Variants in MYO1C observed in about 807,000 individuals in gnomAD.
MYO1C encodes the protein unconventional myosin-Ic.
MYO1C carries 104 observed loss-of-function variants against 150.8 expected under a neutral mutation model. The ratio of observed to expected loss-of-function variants is 0.69; its 90% CI spans 0.59 to 0.81. MYO1C has a LOEUF of 0.81. Ranked by LOEUF, MYO1C falls within the 30% of genes least tolerant of loss-of-function variation. The pLI, the probability that MYO1C is intolerant of heterozygous loss-of-function variation, is 0.00. For missense variants in MYO1C, 1,504 were observed against 1,435.0 expected (o/e 1.05, Z -0.78); for synonymous variants, 663 against 579.9 (o/e 1.14, Z -2.06).
chr17:1,479,709 G>T lies in MYO1C; in HGVS notation c.907-4C>A, dbSNP rs776295269. The T allele has an allele frequency of 2.5e-6, 4 of 1,607,424 alleles. No individual in the cohort carries two copies. The highest frequency in any genetic ancestry group is 4.5e-5 in the East Asian group (2 of 44,680). On this transcript the variant is annotated splice_polypyrimidine_tract_variant and splice_region_variant and intron_variant, in intron 7 of 31. Coordinates refer to ENST00000648651, the MANE Select transcript of MYO1C (RefSeq NM_001080779.2). This position sits in a 1 kb window ranked among gnomAD's most constrained non-coding sequence, Gnocchi z 4.2. ...TGGCCACGATGCTCAGCAGGTCCTG[G>T]GGGAGCAGGCCGGGGGCAGGAGGGG...
intron 31 of MYO1C, among the ~76,000 whole-genome samples, chr17:1,466,875 C>T (rs1240117475): frequency 6.6e-6 from 1 of 152,192 alleles, no homozygotes; most frequent in Non-Finnish European, 1.5e-5. Flanking sequence ...GATCCACACA[C>T]CTCGGCCTCC....
chr17:1,469,712 C>T, intron 24 of MYO1C, 98 bp from the exon 25 acceptor site: 1 of 995,956 alleles, frequency 1.0e-6, no homozygotes, highest in Non-Finnish European at 1.5e-6. Context: ...TAAGTAACAC[C>T]CCCTCCATCT....
chr17:1,485,803 G>A, intron 1 of MYO1C: 5 of 766,242 alleles, frequency 6.5e-6, no homozygotes, highest in Non-Finnish European at 8.0e-6. Context: ...GGGAGGGCCC[G>A]CCCCCCGCAC....
chr17:1,469,993 C>T (rs956986348), intron 24 of MYO1C, among the ~76,000 whole-genome samples, 182 bp downstream of exon 24: 1 of 152,108 alleles, frequency 6.6e-6, no homozygotes, highest in Non-Finnish European at 1.5e-5. Flanking sequence ...CGAGATCATG[C>T]CACTCCCTGG....
intron 17 of MYO1C, 199 bp from the exon 18 acceptor site, chr17:1,472,427 G>A: frequency 1.7e-6 from 1 of 594,318 alleles, no homozygotes; most frequent in South Asian, 2.0e-5. Context: ...CTGGGCGAGA[G>A]ACCTCAGTCT....
At chr17:1,487,024 C>T (rs1368381060) in intron 1 of MYO1C, 1 of 152,372 alleles carries the variant, frequency 6.6e-6, no homozygotes, top group East Asian at 1.9e-4. Context: ...GGTTCTTCCT[C>T]GCGGTGGGAC....
intron 7 of MYO1C, 55 bp downstream of exon 7, chr17:1,480,472 A>T: frequency 2.1e-6 from 3 of 1,408,720 alleles, no homozygotes; most frequent in Non-Finnish European, 2.0e-6. Context: ...CAAAAAAAAA[A>T]GGAGATTTTG....
intron 21 of MYO1C, 35 bp from the exon 22 acceptor site, chr17:1,470,724 G>A (rs761410310): frequency 1.3e-5 from 20 of 1,587,382 alleles, no homozygotes; most frequent in African/African-American, 1.2e-4. Context: ...TGGCCAGAGC[G>A]CGGGGAGCCA....
At position 1,482,921 on chromosome 17, in the gene MYO1C, T is replaced by C. The variant is rs2074564549; in HGVS notation, c.486A>G (p.Pro162=). 1 of 1,611,768 alleles carries C rather than the reference T, an allele frequency of 6.2e-7. No homozygotes were observed. The highest frequency in any genetic ancestry group is 8.5e-7 in the Non-Finnish European group (1 of 1,179,844). ...GCACGGCACCTCCGCGCTCGGGGGC[T>C]GGGCAGGTCTCTGCATAGAACTGCA... The part of the protein sequence containing the change: ...RLLQFYAETC[P]APERGGAVRD... Residue 162 remains proline (P), a synonymous_variant, in exon 4 of 32, where the codon CCA becomes CCG. Coordinates refer to ENST00000648651, the MANE Select transcript of MYO1C (RefSeq NM_001080779.2).
At position 1,467,529 on chromosome 17, in the gene MYO1C, T is replaced by C. The variant is rs368941395; in HGVS notation, c.3016A>G (p.Thr1006Ala). The C allele has an allele frequency of 1.1e-5, 17 of 1,613,414 alleles. No homozygotes were observed. In the African/African-American group the frequency reaches 2.3e-4, roughly 22 times the overall value. Residue 1006 changes from threonine to alanine, a missense_variant, in exon 30 of 32, where the codon ACA becomes GCA. By Grantham distance (58) the Thr-to-Ala change is moderately conservative. Coordinates refer to ENST00000648651, the MANE Select transcript of MYO1C (RefSeq NM_001080779.2). The part of the protein sequence containing the change: ...SDHVIETLTK[T>A]ALSANRVNSI... The stretch of plus-strand genomic sequence containing the variant: ...TTCACGCGGTTGGCACTGAGGGCTG[T>C]CTTGGTCAGCGTCTCAATCACGTGG...
In MYO1C at chr17:1,470,205, C is replaced by T. The variant is rs778562822; in HGVS notation, c.2496G>A (p.Ser832=). 5.1e-5 allele frequency: 82 copies of T among 1,611,232 alleles called. No homozygotes were observed. The highest frequency in any genetic ancestry group is 4.7e-4 in the Admixed American group (28 of 59,862). The change falls in exon 24 of 32, where the codon TCG becomes TCA. Residue 832 remains serine (S), a synonymous_variant. Transcript: ENST00000648651. ...GCAGGGCAGGTGGGGGCGTGGGCCA[C>T]GAGGTGTCCAGGACATTCTGGGGCA... is the stretch of plus-strand genomic sequence containing the variant. The part of the protein sequence containing the change: ...RQLPQNVLDT[S]WPTPPPALRE...
intron 1 of MYO1C, chr17:1,487,044 G>C (rs2074669298): frequency 6.6e-6 from 1 of 152,414 alleles, no homozygotes; most frequent in African/African-American, 2.4e-5. Context: ...CTCTGAGCAA[G>C]TCACTTAACG....
intron 27 of MYO1C, 52 bp downstream of exon 27, chr17:1,468,201 C>T (rs1567514136): frequency 2.5e-6 from 4 of 1,611,122 alleles, no homozygotes; most frequent in Non-Finnish European, 3.4e-6. Flanking sequence ...GCCTTCAGCT[C>T]TCAGGCAGTA....
chr17:1,485,587 C>T, intron 1 of MYO1C: 1 of 902,702 alleles, frequency 1.1e-6, no homozygotes, highest in Non-Finnish European at 1.4e-6. Context: ...GTTTTTCCAC[C>T]CGGAATTCCT....
rs2074319682 is a variant in MYO1C, at chr17:1,472,232, G to T, written c.1798-4C>A. 6.2e-7 allele frequency: 1 copy of T among 1,613,978 alleles called. No individual in the cohort carries two copies. On this transcript the variant is annotated splice_polypyrimidine_tract_variant and splice_region_variant and intron_variant, in intron 17 of 31. Coordinates refer to ENST00000648651, the MANE Select transcript of MYO1C (RefSeq NM_001080779.2). ...TCATCTTGAACTGGGTGGCGACCTG[G>T]CGAGCCAAGAGGCATGGGAGGTTGG... is the stretch of plus-strand genomic sequence containing the variant.
In MYO1C at chr17:1,474,942, C is replaced by A. The variant is rs1331776879; in HGVS notation, c.1665G>T (p.Val555=). ...ACACAGCCCCAGGATCCTCACCGGTCACGCTGTAGGTCACCTCCCCCGCAT... is the reference window on the plus strand; with the variant it reads ...ACACAGCCCCAGGATCCTCACCGGTAACGCTGTAGGTCACCTCCCCCGCAT... ...LHYAGEVTYS[V]TGFLDKNNDL... The change falls in exon 15 of 32, where the codon GTG becomes GTT. Residue 555 remains valine, a synonymous_variant. Coordinates refer to ENST00000648651, the MANE Select transcript of MYO1C (RefSeq NM_001080779.2). 2 of 1,597,658 alleles carry A rather than the reference C, an allele frequency of 1.3e-6. No homozygotes were observed. The highest frequency in any genetic ancestry group is 1.8e-5 in the Admixed American group (1 of 57,094).
chr17:1,470,714 T>A, intron 21 of MYO1C, 25 bp from the exon 22 acceptor site: 1 of 1,595,384 alleles, frequency 6.3e-7, no homozygotes, highest in South Asian at 1.1e-5. Context: ...GAAAGGCAAT[T>A]GGCCAGAGCG....
Position 1,484,014 on chromosome 17 carries a change from C to G in MYO1C, c.231+134G>C. 13 of 1,190,328 alleles carry G rather than the reference C, an allele frequency of 1.1e-5. No individual in the cohort carries two copies. The South Asian group carries it at 1.6e-4, about 15-fold the overall frequency. 73.7% of individuals were successfully genotyped at this position (1,190,328 alleles called of 1,614,324 possible). A position where few individuals can be genotyped will look rare whatever the true frequency, so the allele number is the denominator to read the frequency against. Reference sequence around the variant, plus strand: ...CTGAGATCGCGCCACTGCACTCCAGCCTGGGCAACAAGAGTGAAACTGTCT... The same window carrying G: ...CTGAGATCGCGCCACTGCACTCCAGGCTGGGCAACAAGAGTGAAACTGTCT... On this transcript the variant is annotated intron_variant, in intron 2 of 31. Transcript: ENST00000648651.
At chr17:1,468,746 T>C in intron 25 of MYO1C, 1 of 564,128 alleles carries the variant, frequency 1.8e-6, no homozygotes, top group South Asian at 2.0e-5. Context: ...GCCTTGGTAA[T>C]GCTTCCCCAC....
Sources: allele counts gnomAD v4.1 joint callset (sites outside exome capture counted in the v4.1 genomes callset), GRCh38; gene constraint gnomAD v4.1.1; non-coding constraint Gnocchi (gnomAD v3.1); transcripts MANE v1.5; gene names NCBI Gene and HGNC (gene_info 2026-07-23, HGNC 2026-07-21).